The following OTOF variants were observed in gnomAD, a reference collection of about 807,000 sequenced individuals.
The protein encoded by OTOF is fer-1-like family member 2.
Under a neutral mutation model 236.8 loss-of-function variants are expected in OTOF, and 218 were observed. That is an observed-to-expected ratio of 0.92 (90% CI 0.82 to 1.03). The LOEUF is 1.03. Among genes scored for constraint, OTOF ranks in the 50% least tolerant of loss-of-function variants. The probability of loss-of-function intolerance (pLI) is 0.00; values close to 1 mark genes in which losing one functional copy is unlikely to be tolerated. For missense variants in OTOF, 2,590 were observed against 2,694.4 expected (o/e 0.96, Z 0.86); for synonymous variants, 1,041 against 1,072.5 (o/e 0.97, Z 0.57).
intron 6 of OTOF, among the ~76,000 whole-genome samples, 192 bp downstream of exon 6, chr2:26,503,580 G>A (rs2148079965): frequency 6.6e-6 from 1 of 152,366 alleles, no homozygotes; most frequent in Non-Finnish European, 1.5e-5. Context: ...ACCCCCGACA[G>A]AGGGCGCTGC....
At position 26,479,613 on chromosome 2, in the gene OTOF, CTGGGG is replaced by C. The variant is rs754963019; in HGVS notation, c.1948_1952del (p.Pro650AlafsTer11). On this transcript the variant is annotated frameshift_variant, in exon 17 of 47. Coordinates refer to ENST00000272371, the MANE Select transcript of OTOF (RefSeq NM_194248.3). LOFTEE classifies it high-confidence loss of function. ...CCGGCTCCTTCCGGGGCCGAGGCCGCTGGGGCCGGGACAGGCCATCAACTTCGTTC... is the reference window on the plus strand; with the variant it reads ...CCGGCTCCTTCCGGGGCCGAGGCCGCCCGGGACAGGCCATCAACTTCGTTC... The C allele has an allele frequency of 6.2e-7, 1 of 1,612,618 alleles. No individual in the cohort carries two copies. Among genetic ancestry groups the C allele is most frequent in the African/African-American group, 1.3e-5 (1 of 75,078 alleles).
chr2:26,557,353 A>G (rs1667618275), intron 1 of OTOF, among the ~76,000 whole-genome samples: 1 of 152,138 alleles, frequency 6.6e-6, no homozygotes, highest in Admixed American at 6.5e-5. Context: ...AGAAGGGGCC[A>G]TGTCTAGTGA....
intron 1 of OTOF, among the ~76,000 whole-genome samples, chr2:26,545,870 T>C (rs897109097): frequency 6.6e-6 from 1 of 152,200 alleles, no homozygotes; most frequent in Non-Finnish European, 1.5e-5. Context: ...TATATGTCTA[T>C]TCTTAGACCA....
Position 26,460,654 on chromosome 2 carries a change from T to C in OTOF, c.5806A>G (p.Lys1936Glu), listed in dbSNP as rs1290398191. 3 of 1,613,632 alleles carry C rather than the reference T, an allele frequency of 1.9e-6. No homozygotes were observed. In the African/African-American group the frequency reaches 4.0e-5, roughly 22 times the overall value. The part of the protein sequence containing the change: ...LARNEPDPLE[K>E]PNRPDTSFIW... ...GGCCGGCAGGGCACTCACTTGGGTT[T>C]CTCTAGGGGGTCAGGTTCATTGCGG... Residue 1936 changes from lysine to glutamate, a missense_variant, in exon 45 of 47, where the codon AAA (lysine) becomes GAA (glutamate). This residue lies in a region of OTOF where 1,211 missense variants were observed against 1,352.8 expected (regional missense o/e 0.90). Transcript: ENST00000272371. This position sits in a 1 kb window ranked among gnomAD's most constrained non-coding sequence, Gnocchi z 5.3.
chr2:26,483,336 G>A (rs1665614860), intron 13 of OTOF, 126 bp downstream of exon 13: 3 of 886,608 alleles, frequency 3.4e-6, no homozygotes, highest in Non-Finnish European at 5.6e-6. Flanking sequence ...CTCTAAGTCC[G>A]TCCCTGGCCA....
intron 46 of OTOF, 93 bp downstream of exon 46, chr2:26,459,915 T>G: frequency 1.7e-6 from 2 of 1,194,852 alleles, no homozygotes; most frequent in Non-Finnish European, 1.2e-6. Flanking sequence ...CATGTATGCA[T>G]ATTTGTGTTT....
Position 26,475,913 on chromosome 2 carries a change from C to G in OTOF, c.2991+1G>C. ...GCCACTCCCTCCTCCCAGGCCCTCA[C>G]CTCTGTGCACTGACTCTGATTGATG... On this transcript the variant is annotated splice_donor_variant, in intron 24 of 46. Coordinates refer to ENST00000272371, the MANE Select transcript of OTOF (RefSeq NM_194248.3). LOFTEE classifies it high-confidence loss of function. The G allele has an allele frequency of 6.2e-7, 1 of 1,604,456 alleles. No homozygotes were observed. The highest frequency in any genetic ancestry group is 8.5e-7 in the Non-Finnish European group (1 of 1,175,884).
In OTOF at chr2:26,465,031, T is replaced by C. The variant is rs764885493; in HGVS notation, c.4800-2A>G. 6.8e-7 allele frequency: 1 copy of C among 1,470,814 alleles called. No homozygotes were observed. Among genetic ancestry groups the C allele is most frequent in the Non-Finnish European group, 9.1e-7 (1 of 1,104,430 alleles). The allele number at this position is 1,470,814 out of a possible 1,614,324, so 91.1% of individuals were successfully genotyped here. ...TCCCGCCAGATATTGTAGCCATGTC[T>C]GTGGGAGGGGACACACAGGCTTGGA... On this transcript the variant is annotated splice_acceptor_variant, in intron 38 of 46. Transcript: ENST00000272371. LOFTEE classifies it high-confidence loss of function.
chr2:26,530,396 C>T (rs962036294), intron 2 of OTOF, among the ~76,000 whole-genome samples: 1 of 152,102 alleles, frequency 6.6e-6, no homozygotes, highest in African/African-American at 2.4e-5. Flanking sequence ...TCAGGGGAAG[C>T]GTGTGTAGGT....
At chr2:26,518,717 T>C (rs1053021183) in intron 4 of OTOF, among the ~76,000 whole-genome samples, 1 of 152,224 alleles carries the variant, frequency 6.6e-6, no homozygotes, top group Non-Finnish European at 1.5e-5. Flanking sequence ...AAAAGGAGCC[T>C]CTTTAGTGAC....
At chr2:26,463,930 C>T in intron 40 of OTOF, 34 bp downstream of exon 40, 1 of 1,612,798 alleles carries the variant, frequency 6.2e-7, no homozygotes, top group African/African-American at 1.3e-5. Flanking sequence ...TCCCCAATAC[C>T]CAAGAACCCC....
At chr2:26,464,645 C>T in intron 39 of OTOF, among the ~76,000 whole-genome samples, 1 of 152,070 alleles carries the variant, frequency 6.6e-6, no homozygotes. Flanking sequence ...GGGATTTGGA[C>T]AGAGAGAAAG....
chr2:26,511,678 C>A (rs971942830), intron 5 of OTOF, among the ~76,000 whole-genome samples: 1 of 152,214 alleles, frequency 6.6e-6, no homozygotes, highest in Non-Finnish European at 1.5e-5. Flanking sequence ...CAGGCCTCGG[C>A]TGCCCACATC....
chr2:26,464,406 C>T (rs1664630340), intron 39 of OTOF, among the ~76,000 whole-genome samples: 1 of 151,936 alleles, frequency 6.6e-6, no homozygotes, highest in Non-Finnish European at 1.5e-5. Flanking sequence ...TGTCCCAGCA[C>T]CTGAAAGTGA....
In OTOF at chr2:26,470,500, G is replaced by C. The variant is rs1572415353; in HGVS notation, c.4023+93C>G. 8.0e-7 allele frequency: 1 copy of C among 1,257,190 alleles called. No individual in the cohort carries two copies. The highest frequency in any genetic ancestry group is 2.3e-5 in the East Asian group (1 of 43,198). 77.9% of individuals were successfully genotyped at this position (1,257,190 alleles called of 1,614,324 possible). ...TCCCAAACTCACATGAATGGAGTTG[G>C]GATCCAGCTCTTGGGGGCCGTGGGA... On this transcript the variant is annotated intron_variant, in intron 32 of 46. Transcript: ENST00000272371. This position sits in a 1 kb window ranked among gnomAD's most constrained non-coding sequence, Gnocchi z 4.3.
Position 26,477,975 on chromosome 2 carries a change from A to G in OTOF, c.2215-226T>C. ...ATGGGGGTTCTTCAGTTCCTGAAGG[A>G]AGAAGCCACCTCTGGGCTGTGAGTC... On this transcript the variant is annotated intron_variant, in intron 18 of 46. Coordinates refer to ENST00000272371, the MANE Select transcript of OTOF (RefSeq NM_194248.3). The surrounding 1 kb of genome is among the most constrained non-coding windows in gnomAD (Gnocchi z 4.7). 1 of 1,464,974 alleles carries G rather than the reference A, an allele frequency of 6.8e-7. No individual in the cohort carries two copies. The highest frequency in any genetic ancestry group is 9.0e-7 in the Non-Finnish European group (1 of 1,109,676). The allele number at this position is 1,464,974 out of a possible 1,614,324, so 90.7% of individuals were successfully genotyped here.
chr2:26,479,248 CT>C lies in OTOF; in HGVS notation c.2214+15del. 3 of 1,612,196 alleles carry C rather than the reference CT, an allele frequency of 1.9e-6. No individual in the cohort carries two copies. Among genetic ancestry groups the C allele is most frequent in the Non-Finnish European group, 2.5e-6 (3 of 1,179,772 alleles). On this transcript the variant is annotated intron_variant, in intron 18 of 46. Transcript: ENST00000272371. Reference sequence around the variant, plus strand: ...CCCAGGACCCCACCCCTGCTGGCCCCTGGCCTGGCCCTGACCAGCTTGTCGG... The same window carrying C: ...CCCAGGACCCCACCCCTGCTGGCCCCGGCCTGGCCCTGACCAGCTTGTCGG...
In OTOF at chr2:26,473,310, C is replaced by CA. The variant is rs1204948583; in HGVS notation, c.3571-17dup. On this transcript the variant is annotated splice_polypyrimidine_tract_variant and intron_variant, in intron 28 of 46. Coordinates refer to ENST00000272371, the MANE Select transcript of OTOF (RefSeq NM_194248.3). The surrounding 1 kb of genome is among the most constrained non-coding windows in gnomAD (Gnocchi z 7.2). ...CTGGGAGGTCCTGGGGTGTTGGCGA[C>CA]AGGAGCCTGAGCCTCCAAGAAGGGG... The CA allele has an allele frequency of 1.2e-6, 2 of 1,613,174 alleles. No homozygotes were observed. The highest frequency in any genetic ancestry group is 1.7e-6 in the Non-Finnish European group (2 of 1,179,846).
At chr2:26,490,361 G>A (rs902438806) in intron 9 of OTOF, among the ~76,000 whole-genome samples, 1 of 152,224 alleles carries the variant, frequency 6.6e-6, no homozygotes, top group Non-Finnish European at 1.5e-5. Flanking sequence ...CAGAGCAGAT[G>A]AACCATGGTG....
Sources: gnomAD v4.1 joint callset for allele counts (sites outside exome capture counted in the v4.1 genomes callset) on GRCh38, gnomAD v4.1.1 for gene constraint, gnomAD v4.1.1 regional missense constraint, Gnocchi (gnomAD v3.1) non-coding constraint, MANE v1.5 for transcripts, NCBI Gene and HGNC (gene_info 2026-07-23, HGNC 2026-07-21) for gene names.